Variants in N4BP2L1 observed in about 807,000 individuals in gnomAD.
The protein encoded by N4BP2L1 is NEDD4-binding protein 2-like 1.
N4BP2L1 carries 12 observed loss-of-function variants against 21.2 expected under a neutral mutation model. That is an observed-to-expected ratio of 0.57 (90% confidence interval 0.36 to 0.92). N4BP2L1 has a LOEUF of 0.92. Among genes scored for constraint, N4BP2L1 ranks in the 40% least tolerant of loss-of-function variants. The pLI is 0.01. For missense variants in N4BP2L1, 259 were observed against 310.6 expected (o/e 0.83, Z 1.25); for synonymous variants, 104 against 112.8 (o/e 0.92, Z 0.49).
chr13:32,416,374 G>T (rs540995495), intron 1 of N4BP2L1: 1 of 152,162 alleles, frequency 6.6e-6, no homozygotes. Flanking sequence ...CCCCAGAGCC[G>T]CACACTAAAC....
intron 1 of N4BP2L1, among the ~76,000 whole-genome samples, chr13:32,418,717 T>C (rs2074287475): frequency 6.6e-6 from 1 of 152,250 alleles, no homozygotes; most frequent in Non-Finnish European, 1.5e-5. Context: ...CCCAAGGCCA[T>C]GGGAGCCCAC....
chr13:32,407,474 A>G, intron 2 of N4BP2L1, 136 bp from the exon 3 acceptor site: 8 of 1,578,446 alleles, frequency 5.1e-6, no homozygotes, highest in Non-Finnish European at 6.9e-6. Context: ...CTATCAATCA[A>G]TAATTTTCTT....
intron 1 of N4BP2L1, 123 bp downstream of exon 1, chr13:32,427,780 CG>C (rs547069088): frequency 0.017 from 7,953 of 480,884 alleles, 105 homozygotes; most frequent in Non-Finnish European, 0.019. Flanking sequence ...GGGCCGGGGC[CG>C]CGGCAGGCAC....
At chr13:32,406,307 A>G (rs28641896) in intron 3 of N4BP2L1, 2 of 152,156 alleles carry the variant, frequency 1.3e-5, no homozygotes, top group African/African-American at 2.4e-5. Context: ...ATGAAAAAAG[A>G]CCAAATAGAC....
At position 32,408,886 on chromosome 13, in the gene N4BP2L1, C is replaced by T. The variant is rs570172434; in HGVS notation, c.180-1114G>A. On this transcript the variant is annotated intron_variant, in intron 1 of 4. Coordinates refer to ENST00000380130, the MANE Select transcript of N4BP2L1 (RefSeq NM_052818.3). Reference sequence around the variant, plus strand: ...GAACAAACATGAGGCCTTGGGGCCACAGATGAGTAAGCACTTCAGGTGCCC... The same window carrying T: ...GAACAAACATGAGGCCTTGGGGCCATAGATGAGTAAGCACTTCAGGTGCCC... 2.9e-4 allele frequency among the ~76,000 whole-genome samples: 44 copies of T among 152,338 alleles called. 1 individual carries two copies. Among genetic ancestry groups the T allele is most frequent in the South Asian group, 1.2e-3 (6 of 4,822 alleles).
intron 1 of N4BP2L1, among the ~76,000 whole-genome samples, chr13:32,421,451 A>T (rs2137955487): frequency 6.6e-6 from 1 of 152,338 alleles, no homozygotes; most frequent in East Asian, 1.9e-4. Flanking sequence ...AATAATTGTG[A>T]AAGGGATGTA....
rs1003959188 is a variant in N4BP2L1 at position 32,402,444 on chromosome 13, C to A, written c.*498G>T. ...ATTAACATTAAAGGAAAATCAGTATCATAAGAGTCGCACATCTCACATTTT... is the reference window on the plus strand; with the variant it reads ...ATTAACATTAAAGGAAAATCAGTATAATAAGAGTCGCACATCTCACATTTT... On this transcript the variant is annotated 3_prime_UTR_variant, in exon 5 of 5. Transcript: ENST00000380130. 6.2e-6 allele frequency: 6 copies of A among 962,536 alleles called. No individual in the cohort carries two copies. The highest frequency in any genetic ancestry group is 7.4e-6 in the Non-Finnish European group (6 of 809,700). The allele number at this position is 962,536 out of a possible 1,614,324, so 59.6% of individuals were successfully genotyped here.
intron 3 of N4BP2L1, among the ~76,000 whole-genome samples, chr13:32,405,608 A>T (rs776736217): frequency 3.3e-5 from 5 of 152,196 alleles, no homozygotes; most frequent in Non-Finnish European, 7.3e-5. Flanking sequence ...TTGACTCTTC[A>T]CGTGCCTGTT....
intron 1 of N4BP2L1, among the ~76,000 whole-genome samples, chr13:32,411,276 C>A (rs1049614887): frequency 6.6e-6 from 1 of 151,474 alleles, no homozygotes; most frequent in African/African-American, 2.4e-5. Flanking sequence ...CTCTTCCTAA[C>A]AAACAGGCAG....
chr13:32,418,169 G>GA (rs1011612414), intron 1 of N4BP2L1, among the ~76,000 whole-genome samples: 1 of 152,174 alleles, frequency 6.6e-6, no homozygotes, highest in Admixed American at 6.5e-5. Flanking sequence ...ACCTAGGAGG[G>GA]AAAAATGGTT....
chr13:32,419,564 G>A (rs565128097), intron 1 of N4BP2L1: 25 of 267,940 alleles, frequency 9.3e-5, no homozygotes, highest in Non-Finnish European at 1.8e-4. Context: ...AAGCCACTGC[G>A]CCCGGCTGAT....
chr13:32,411,853 G>T (rs1020440069), intron 1 of N4BP2L1: 2 of 890,192 alleles, frequency 2.2e-6, no homozygotes, highest in East Asian at 2.4e-4. Flanking sequence ...GACATTGCAT[G>T]TAATTTTAAC....
intron 1 of N4BP2L1, among the ~76,000 whole-genome samples, chr13:32,426,714 T>C (rs1333050027): frequency 1.3e-5 from 2 of 152,066 alleles, no homozygotes; most frequent in African/African-American, 4.8e-5. Flanking sequence ...CGGGAAGCCC[T>C]TTGAGGGAAA....
In N4BP2L1 at chr13:32,402,715, AAG is replaced by A. The variant is rs1198216688; in HGVS notation, c.*225_*226del. ...TGGTTTCAAATTCTTACCCTAGAGA[AAG>A]AGACTGTTTACTCAAATCTGCAGAA... On this transcript the variant is annotated 3_prime_UTR_variant, in exon 5 of 5. Coordinates refer to ENST00000380130, the MANE Select transcript of N4BP2L1 (RefSeq NM_052818.3). The A allele has an allele frequency of 6.6e-5, 87 of 1,316,806 alleles. No individual in the cohort carries two copies. The highest frequency in any genetic ancestry group is 2.8e-4 in the Middle Eastern group (1 of 3,520). The allele number at this position is 1,316,806 out of a possible 1,614,324, so 81.6% of individuals were successfully genotyped here.
At chr13:32,428,348 G>A, upstream of N4BP2L1, 1 of 324,290 alleles carries the variant, frequency 3.1e-6, no homozygotes, top group Non-Finnish European at 5.6e-6. Flanking sequence ...CCGCCTCCTG[G>A]TGCCCTTTGC....
chr13:32,417,022 G>A (rs1340861292), intron 1 of N4BP2L1, among the ~76,000 whole-genome samples: 1 of 151,944 alleles, frequency 6.6e-6, no homozygotes, highest in Non-Finnish European at 1.5e-5. Flanking sequence ...TCCCCATCTC[G>A]GCCAGGCTGG....
At position 32,402,287 on chromosome 13, in the gene N4BP2L1, C is replaced by G. The variant is rs139071851; in HGVS notation, c.*655G>C. On this transcript the variant is annotated 3_prime_UTR_variant, in exon 5 of 5. Coordinates refer to ENST00000380130, the MANE Select transcript of N4BP2L1 (RefSeq NM_052818.3). Reference sequence around the variant, plus strand: ...ACTTTAAATAATGACACTGATTTCCCTCAGTAGCTCCTGTAGCTATTAAGG... The same window carrying G: ...ACTTTAAATAATGACACTGATTTCCGTCAGTAGCTCCTGTAGCTATTAAGG... 8.2e-6 allele frequency: 5 copies of G among 609,298 alleles called. No individual in the cohort carries two copies. Among genetic ancestry groups the G allele is most frequent in the South Asian group, 7.1e-5 (1 of 14,034 alleles). 37.7% of individuals were successfully genotyped at this position (609,298 alleles called of 1,614,324 possible).
At chr13:32,428,248 G>T, upstream of N4BP2L1, 1 of 570,478 alleles carries the variant, frequency 1.8e-6, no homozygotes, top group Non-Finnish European at 2.7e-6. Flanking sequence ...GCGTGGGAGG[G>T]GGCGTCCCTA....
Position 32,402,960 on chromosome 13 carries a change from A to G in N4BP2L1, c.714T>C (p.Gly238=), listed in dbSNP as rs761379595. The change falls in exon 5 of 5, where the codon GGT becomes GGC. Residue 238 remains glycine, a synonymous_variant. Coordinates refer to ENST00000380130, the MANE Select transcript of N4BP2L1 (RefSeq NM_052818.3). ...TNESSYHRRG[G]CHHGY Reference sequence around the variant, plus strand: ...TAGGCCTCTAATATCCATGGTGACAACCGCCCCTTCTGTGATAGGAGCTCT... The same window carrying G: ...TAGGCCTCTAATATCCATGGTGACAGCCGCCCCTTCTGTGATAGGAGCTCT... The G allele has an allele frequency of 1.2e-5, 19 of 1,608,368 alleles. No homozygotes were observed. Among genetic ancestry groups the G allele is most frequent in the East Asian group, 4.5e-5 (2 of 44,748 alleles).
Sources: allele counts gnomAD v4.1 joint callset (sites outside exome capture counted in the v4.1 genomes callset), GRCh38; gene constraint gnomAD v4.1.1; transcripts MANE v1.5; gene names NCBI Gene and HGNC (gene_info 2026-07-23, HGNC 2026-07-21).